Variants in ROR2 observed in about 807,000 individuals in gnomAD.
ROR2 encodes tyrosine-protein kinase transmembrane receptor ROR2.
In ROR2, 33 loss-of-function variants were observed where a neutral mutation model predicts 74.9. The observed-to-expected ratio is 0.44, with a 90% CI of 0.33 to 0.59. The LOEUF (loss-of-function observed/expected upper bound fraction) is 0.59, where lower values mean the gene tolerates loss of function less well. Ranked by LOEUF, ROR2 falls within the 20% of genes least tolerant of loss-of-function variation. The pLI is 0.02. For synonymous variants in ROR2, 586 were observed against 558.7 expected (o/e 1.05, Z -0.69); for missense variants, 1,216 against 1,313.8 (o/e 0.93, Z 1.15).
intron 7 of ROR2, among the ~76,000 whole-genome samples, chr9:91,727,582 T>C (rs912396674): frequency 1.3e-5 from 2 of 152,060 alleles, no homozygotes; most frequent in African/African-American, 4.8e-5. Context: ...TCAAAGCAAT[T>C]GAATGTAAGA....
Position 91,724,915 on chromosome 9 carries a change from G to A in ROR2, c.1579C>T (p.Leu527=), listed in dbSNP as rs748003101. Residue 527 remains leucine (L), a synonymous_variant, in exon 9 of 9, where the codon CTG becomes TTG. Transcript: ENST00000375708. ...TTGGGGTGTTGCAGCCGTGCTCGCA[G>A]CATAGCCTCATGCCGGAACTCCTCC... The part of the protein sequence containing the change: ...LREEFRHEAM[L]RARLQHPNVV... 6.2e-7 allele frequency: 1 copy of A among 1,611,540 alleles called. No individual in the cohort carries two copies. Among genetic ancestry groups the A allele is most frequent in the South Asian group, 1.1e-5 (1 of 90,986 alleles).
At chr9:91,897,640 T>G (rs1830568957) in intron 1 of ROR2, among the ~76,000 whole-genome samples, 1 of 151,738 alleles carries the variant, frequency 6.6e-6, no homozygotes, top group Non-Finnish European at 1.5e-5. Context: ...GGGGTGAGCT[T>G]GTGGAGCAGA....
intron 4 of ROR2, among the ~76,000 whole-genome samples, chr9:91,743,188 G>T (rs1373477115): frequency 1.3e-5 from 2 of 152,166 alleles, no homozygotes; most frequent in Non-Finnish European, 2.9e-5. Context: ...CTATGAACTT[G>T]AAGACAGATC....
rs1423180259 is a variant in ROR2 at position 91,926,409 on chromosome 9, G to C, written c.97+23458C>G. ...AAAAAAAAAAAAATTAGCTGGGCGT[G>C]GTGGCACATGCCTATAACGCCAGCT... On this transcript the variant is annotated intron_variant, in intron 1 of 8. Transcript: ENST00000375708. Among the ~76,000 whole-genome samples, 3 of 150,776 alleles carry C rather than the reference G, an allele frequency of 2.0e-5. No homozygotes were observed. The East Asian group carries it at 5.9e-4, about 29-fold the overall frequency.
At chr9:91,897,709 G>C (rs1487804679) in intron 1 of ROR2, among the ~76,000 whole-genome samples, 1 of 152,120 alleles carries the variant, frequency 6.6e-6, no homozygotes, top group Non-Finnish European at 1.5e-5. Context: ...AGGGGCCTGG[G>C]GAGGCTGCCT....
At chr9:91,896,781 C>G (rs953444095) in intron 1 of ROR2, among the ~76,000 whole-genome samples, 3 of 152,084 alleles carry the variant, frequency 2.0e-5, no homozygotes, top group African/African-American at 7.2e-5. Context: ...ATGTTCTGTC[C>G]AAACCTGCAT....
chr9:91,828,169 A>C (rs757914228), intron 1 of ROR2, among the ~76,000 whole-genome samples: 2 of 152,216 alleles, frequency 1.3e-5, no homozygotes, highest in Non-Finnish European at 2.9e-5. Context: ...TACTTTTGAA[A>C]ATTTCATTAT....
intron 1 of ROR2, among the ~76,000 whole-genome samples, chr9:91,824,973 G>A (rs913341730): frequency 1.3e-5 from 2 of 152,338 alleles, no homozygotes; most frequent in African/African-American, 2.4e-5. Flanking sequence ...TGAAAAGGAA[G>A]GGGGGCGATC....
At chr9:91,797,232 A>G (rs1587727574) in intron 1 of ROR2, among the ~76,000 whole-genome samples, 2 of 8,846 alleles carry the variant, frequency 2.3e-4, no homozygotes, top group Non-Finnish European at 1.8e-4. Context: ...GTTAGTGGGG[A>G]ATGACACCCT....
rs544391496 is a variant in ROR2, at chr9:91,890,034, G to C, written c.97+59833C>G. Among the ~76,000 whole-genome samples, 3 of 152,328 alleles carry C rather than the reference G, an allele frequency of 2.0e-5. No individual in the cohort carries two copies. The South Asian group carries it at 6.2e-4, about 32-fold the overall frequency. ...TTTCTCCCACACTGACTGGACCCCA[G>C]GGCAGGGGAGTTAGTGGCTTCAGCC... On this transcript the variant is annotated intron_variant, in intron 1 of 8. Coordinates refer to ENST00000375708, the MANE Select transcript of ROR2 (RefSeq NM_004560.4).
intron 5 of ROR2, among the ~76,000 whole-genome samples, chr9:91,735,088 G>A (rs764861369): frequency 1.3e-5 from 2 of 152,110 alleles, no homozygotes; most frequent in Non-Finnish European, 2.9e-5. Flanking sequence ...CACTTCTCTT[G>A]GGCTAATCCA....
At chr9:91,783,123 C>G (rs74464132) in intron 1 of ROR2, among the ~76,000 whole-genome samples, 2 of 152,108 alleles carry the variant, frequency 1.3e-5, no homozygotes, top group Admixed American at 6.5e-5. Flanking sequence ...CCATGCACAC[C>G]GTCTTTCCGT....
At chr9:91,930,887 T>G (rs1338824192) in intron 1 of ROR2, among the ~76,000 whole-genome samples, 2 of 152,240 alleles carry the variant, frequency 1.3e-5, no homozygotes, top group Non-Finnish European at 2.9e-5. Flanking sequence ...TGGATATGGC[T>G]GGTCATTATC....
chr9:91,781,721 C>G (rs1039554102), intron 1 of ROR2, among the ~76,000 whole-genome samples: 1 of 152,174 alleles, frequency 6.6e-6, no homozygotes, highest in Non-Finnish European at 1.5e-5. Flanking sequence ...TGAGTAAATA[C>G]TAGCCTCTGT....
intron 1 of ROR2, chr9:91,948,857 G>A: frequency 1.0e-6 from 1 of 985,386 alleles, no homozygotes; most frequent in African/African-American, 1.7e-5. Flanking sequence ...CTCCACCCCC[G>A]CAGGGTGCCG....
chr9:91,864,646 T>A (rs1829575329), intron 1 of ROR2, among the ~76,000 whole-genome samples: 2 of 152,138 alleles, frequency 1.3e-5, no homozygotes, highest in African/African-American at 4.8e-5. Flanking sequence ...ACTCTCTCCT[T>A]CCATATGTGA....
In ROR2 at chr9:91,779,368, CTTTT is replaced by C. The variant is rs57414414; in HGVS notation, c.98-3554_98-3551del. ...TCTACCTCCAAACACTTATACTTTT[CTTTT>C]TTTTTTTTTTTTTTCGAGACAGAGT... is the stretch of plus-strand genomic sequence containing the variant. On this transcript the variant is annotated intron_variant, in intron 1 of 8. Coordinates refer to ENST00000375708, the MANE Select transcript of ROR2 (RefSeq NM_004560.4). 3.7e-3 allele frequency among the ~76,000 whole-genome samples: 501 copies of C among 133,722 alleles called. 2 individuals carry two copies. The highest frequency in any genetic ancestry group is 0.011 in the Middle Eastern group (3 of 276). The allele number at this position is 133,722 out of a possible 152,430, so 87.7% of individuals were successfully genotyped here. A position where few individuals can be genotyped will look rare whatever the true frequency, so the allele number is the denominator to read the frequency against.
intron 1 of ROR2, among the ~76,000 whole-genome samples, chr9:91,827,487 G>A (rs1828331429): frequency 6.6e-6 from 1 of 152,094 alleles, no homozygotes; most frequent in African/African-American, 2.4e-5. Flanking sequence ...TGAACACTAG[G>A]TTCATTTCTA....
intron 1 of ROR2, among the ~76,000 whole-genome samples, chr9:91,938,268 G>A (rs192462973): frequency 1.8e-4 from 27 of 152,276 alleles, no homozygotes; most frequent in African/African-American, 6.3e-4. Context: ...AGACCAGTCT[G>A]AACAACATAG....
Sources: gnomAD v4.1 joint callset for allele counts (sites outside exome capture counted in the v4.1 genomes callset) on GRCh38, gnomAD v4.1.1 for gene constraint, MANE v1.5 for transcripts, NCBI Gene and HGNC (gene_info 2026-07-23, HGNC 2026-07-21) for gene names.